EBF1: variants seen among roughly 807,000 people sequenced by gnomAD.
The protein encoded by EBF1 is EBF transcription factor 1.
Under a neutral mutation model 68.4 loss-of-function variants are expected in EBF1, and 10 were observed. That is an observed-to-expected ratio of 0.15 (90% CI 0.09 to 0.25). The LOEUF (loss-of-function observed/expected upper bound fraction) is 0.25. Among genes scored for constraint, EBF1 ranks in the 10% least tolerant of loss-of-function variants. EBF1 has a pLI of 1.00. For synonymous variants in EBF1, 298 were observed against 299.8 expected (o/e 0.99, Z 0.06); for missense variants, 509 against 794.4 (o/e 0.64, Z 4.32).
intron 7 of EBF1, among the ~76,000 whole-genome samples, chr5:158,838,660 C>T (rs76367178): frequency 0.011 from 1,680 of 152,190 alleles, 23 homozygotes; most frequent in African/African-American, 0.039. Flanking sequence ...TTGACATCTC[C>T]AATCAATGCT....
chr5:159,002,113 A>C (rs1028671044), intron 6 of EBF1, among the ~76,000 whole-genome samples: 1 of 151,368 alleles, frequency 6.6e-6, no homozygotes, highest in Non-Finnish European at 1.5e-5. Context: ...ACAACAGCCC[A>C]GTAGAATAAG....
At chr5:158,840,645 GTTTTTTTTTTTTTTTTTTTTT>G (rs534374216) in intron 6 of EBF1, among the ~76,000 whole-genome samples, 5 of 64,816 alleles carry the variant, frequency 7.7e-5, no homozygotes, top group African/African-American at 2.8e-4. Context: ...AATACCTCCT[GTTTTTTTTTTTTTTTTTTTTT>G]TTTTTTGTTT....
At chr5:159,004,383 T>C (rs897453693) in intron 6 of EBF1, among the ~76,000 whole-genome samples, 3 of 152,128 alleles carry the variant, frequency 2.0e-5, no homozygotes, top group Non-Finnish European at 4.4e-5. Flanking sequence ...TTATGTTCCT[T>C]TTACAGATAA....
chr5:158,801,088 C>A (rs1245466131), intron 8 of EBF1, among the ~76,000 whole-genome samples: 9 of 152,026 alleles, frequency 5.9e-5, no homozygotes, highest in Non-Finnish European at 1.3e-4. Flanking sequence ...TCCCTTCCCC[C>A]ACCCCTCACC....
At chr5:158,699,238 C>A in intron 15 of EBF1, 96 bp from the exon 16 acceptor site, 1 of 1,244,910 alleles carries the variant, frequency 8.0e-7, no homozygotes, top group Non-Finnish European at 1.1e-6. Flanking sequence ...CACCCACACA[C>A]AACTATGTTG....
At chr5:159,051,895 C>A (rs1773822958) in intron 6 of EBF1, among the ~76,000 whole-genome samples, 1 of 152,056 alleles carries the variant, frequency 6.6e-6, no homozygotes, top group Admixed American at 6.6e-5. Flanking sequence ...TTGTTGAAAC[C>A]CCAAGAGGCT....
chr5:158,800,166 A>G (rs1034388037), intron 8 of EBF1, among the ~76,000 whole-genome samples: 3 of 152,206 alleles, frequency 2.0e-5, no homozygotes, highest in African/African-American at 7.2e-5. Flanking sequence ...AAAATACACA[A>G]AACAATTCTA....
chr5:159,024,830 C>T (rs1325547006), intron 6 of EBF1, among the ~76,000 whole-genome samples: 2 of 152,148 alleles, frequency 1.3e-5, no homozygotes, highest in African/African-American at 4.8e-5. Context: ...TGGAAGTAGA[C>T]AAGAAACAAT....
At chr5:158,955,859 T>C (rs1400649788) in intron 6 of EBF1, among the ~76,000 whole-genome samples, 1 of 152,142 alleles carries the variant, frequency 6.6e-6, no homozygotes. Context: ...AGCCAGCAGC[T>C]GAAAGGAAGA....
intron 6 of EBF1, among the ~76,000 whole-genome samples, chr5:158,950,599 A>G (rs1337848514): frequency 6.6e-6 from 1 of 152,224 alleles, no homozygotes; most frequent in South Asian, 2.1e-4. Flanking sequence ...CGTTCTGAGG[A>G]CCATGCAGAA....
chr5:158,754,189 T>C (rs1162299141), intron 10 of EBF1, among the ~76,000 whole-genome samples: 1 of 152,074 alleles, frequency 6.6e-6, no homozygotes, highest in Non-Finnish European at 1.5e-5. Context: ...TAGCAGAAGT[T>C]CACCATCCTA....
chr5:159,096,616 C>T (rs73818938), intron 2 of EBF1: 14,335 of 634,324 alleles, frequency 0.023, 396 homozygotes, highest in African/African-American at 0.1. Context: ...AAAATTCCGT[C>T]GGGCGCACAC....
At chr5:159,039,603 A>T (rs2127770653) in intron 6 of EBF1, among the ~76,000 whole-genome samples, 1 of 152,370 alleles carries the variant, frequency 6.6e-6, no homozygotes, top group South Asian at 2.1e-4. Flanking sequence ...TTGTTAAAGT[A>T]ACTTCGCTAT....
chr5:158,864,548 A>G (rs1393950136), intron 6 of EBF1, among the ~76,000 whole-genome samples: 2 of 152,096 alleles, frequency 1.3e-5, no homozygotes, highest in Non-Finnish European at 1.5e-5. Flanking sequence ...AGTGGAGAAG[A>G]TAGGAGAGCA....
intron 15 of EBF1, chr5:158,707,561 G>A (rs1758132640): frequency 1.2e-5 from 3 of 243,722 alleles, no homozygotes; most frequent in Admixed American, 9.8e-5. Flanking sequence ...AAGGTTGAGT[G>A]ACCTACTTCA....
intron 7 of EBF1, among the ~76,000 whole-genome samples, chr5:158,830,580 C>G (rs942745975): frequency 2.6e-5 from 4 of 152,174 alleles, no homozygotes; most frequent in Non-Finnish European, 5.9e-5. Context: ...TCTGGCCTTT[C>G]AGTACACAGT....
At chr5:158,931,725 C>A (rs886451871) in intron 6 of EBF1, among the ~76,000 whole-genome samples, 1 of 152,094 alleles carries the variant, frequency 6.6e-6, no homozygotes, top group Non-Finnish European at 1.5e-5. Flanking sequence ...CATTCCAAAT[C>A]CCTATCTAAT....
At chr5:158,781,213 C>T (rs1392561996) in intron 9 of EBF1, among the ~76,000 whole-genome samples, 1 of 152,124 alleles carries the variant, frequency 6.6e-6, no homozygotes, top group Non-Finnish European at 1.5e-5. Flanking sequence ...TTATTTAAAA[C>T]ACTTGGATGA....
intron 10 of EBF1, among the ~76,000 whole-genome samples, chr5:158,766,212 G>T (rs999351744): frequency 6.6e-6 from 1 of 151,928 alleles, no homozygotes; most frequent in East Asian, 1.9e-4. Flanking sequence ...TTTAAATATC[G>T]GTTTTTAAAA....
Sources: allele counts gnomAD v4.1 joint callset (sites outside exome capture counted in the v4.1 genomes callset), GRCh38; gene constraint gnomAD v4.1.1; transcripts MANE v1.5; gene names NCBI Gene and HGNC (gene_info 2026-07-23, HGNC 2026-07-21).